DSCAML1: variants seen among roughly 807,000 people sequenced by gnomAD.
DSCAML1 encodes cell adhesion molecule DSCAML1.
DSCAML1 carries 38 observed loss-of-function variants against 200.5 expected under a neutral mutation model. The ratio of observed to expected loss-of-function variants is 0.19; its 90% CI spans 0.15 to 0.25. DSCAML1 has a LOEUF of 0.25. Ranked by LOEUF, DSCAML1 falls within the 10% of genes least tolerant of loss-of-function variation. The probability of loss-of-function intolerance (pLI) is 1.00; values close to 1 mark genes in which losing one functional copy is unlikely to be tolerated. For missense variants in DSCAML1, 2,223 were observed against 2,858.8 expected, an observed-to-expected ratio of 0.78 and a Z score of 5.07; for synonymous variants, 1,215 against 1,165.0, an observed-to-expected ratio of 1.04 and a Z score of -0.87.
intron 3 of DSCAML1, among the ~76,000 whole-genome samples, chr11:117,744,657 G>A (rs113560973): frequency 7.9e-5 from 12 of 152,312 alleles, no homozygotes; most frequent in African/African-American, 1.2e-4. Flanking sequence ...CCAGAGCCCC[G>A]GGGGGCAAAG....
intron 11 of DSCAML1, among the ~76,000 whole-genome samples, chr11:117,484,995 C>G (rs1418633678): frequency 6.6e-6 from 1 of 151,376 alleles, no homozygotes; most frequent in African/African-American, 2.4e-5. Flanking sequence ...AGTTCTGCAG[C>G]ACACCTCTGT....
intron 11 of DSCAML1, among the ~76,000 whole-genome samples, chr11:117,487,375 A>G (rs2049096857): frequency 1.3e-5 from 2 of 152,158 alleles, no homozygotes; most frequent in Non-Finnish European, 2.9e-5. Flanking sequence ...GGCTCACGTT[A>G]TGGTTCTACT....
At chr11:117,725,138 G>A (rs1228523298) in intron 3 of DSCAML1, among the ~76,000 whole-genome samples, 3 of 152,174 alleles carry the variant, frequency 2.0e-5, no homozygotes, top group African/African-American at 7.2e-5. Flanking sequence ...AATCCTGACT[G>A]CCTCTGAGAA....
rs201976004 is a variant in DSCAML1, at chr11:117,635,447, G to GGTGTGTGT, written c.512-102933_512-102926dup. On this transcript the variant is annotated intron_variant, in intron 3 of 32. Coordinates refer to ENST00000651296, the MANE Select transcript of DSCAML1 (RefSeq NM_020693.4). ...AAGTGCAGAACGTCCTAGTGTGTGTGGTGTGTGTGTGTGTGTGTGTGTGTG... is the reference window on the plus strand; with the variant it reads ...AAGTGCAGAACGTCCTAGTGTGTGTGGTGTGTGTGTGTGTGTGTGTGTGTGTGTGTGTG... Among the ~76,000 whole-genome samples the GGTGTGTGT allele has an allele frequency of 3.5e-3, 510 of 146,736 alleles. 2 individuals are homozygous for GGTGTGTGT. The highest frequency in any genetic ancestry group is 0.011 in the African/African-American group (460 of 40,192).
Position 117,773,281 on chromosome 11 carries a change from G to A in DSCAML1, c.511+3510C>T, listed in dbSNP as rs189811634. Reference sequence around the variant, plus strand: ...GGGGATGCCTCCTGGGGCTCTGATGGGCCCACACCAGTCTCCCTGCTCCTT... The same window carrying A: ...GGGGATGCCTCCTGGGGCTCTGATGAGCCCACACCAGTCTCCCTGCTCCTT... On this transcript the variant is annotated intron_variant, in intron 3 of 32. Transcript: ENST00000651296. Among the ~76,000 whole-genome samples the A allele has an allele frequency of 6.6e-3, 1,007 of 152,198 alleles. 6 individuals are homozygous for A. The highest frequency in any genetic ancestry group is 0.014 in the Middle Eastern group (4 of 294).
chr11:117,808,346 G>A (rs2055726465), intron 1 of DSCAML1, among the ~76,000 whole-genome samples: 1 of 152,156 alleles, frequency 6.6e-6, no homozygotes, highest in South Asian at 2.1e-4. Flanking sequence ...AAACCTTTAG[G>A]AGGAGTCCTG....
intron 3 of DSCAML1, among the ~76,000 whole-genome samples, chr11:117,581,662 C>G (rs2051043275): frequency 6.6e-6 from 1 of 152,160 alleles, no homozygotes; most frequent in Non-Finnish European, 1.5e-5. Flanking sequence ...CATATGTTAT[C>G]TCTTCTCATT....
intron 3 of DSCAML1, among the ~76,000 whole-genome samples, chr11:117,765,639 C>T (rs777606489): frequency 1.4e-4 from 22 of 152,148 alleles, no homozygotes; most frequent in African/African-American, 3.9e-4. Flanking sequence ...TGAAAACCTA[C>T]GCATAGAGAA....
At chr11:117,428,884 GC>G in intron 32 of DSCAML1, 81 bp from the exon 33 acceptor site, 10 of 1,345,380 alleles carry the variant, frequency 7.4e-6, no homozygotes, top group Non-Finnish European at 9.1e-6. Context: ...CCCATCCCCT[GC>G]CCCCAGTCTT....
At chr11:117,455,547 C>G (rs1004901645) in intron 19 of DSCAML1, among the ~76,000 whole-genome samples, 1 of 152,184 alleles carries the variant, frequency 6.6e-6, no homozygotes, top group Non-Finnish European at 1.5e-5. Context: ...TCCAGCCAAG[C>G]CAGCCTGAAA....
intron 3 of DSCAML1, among the ~76,000 whole-genome samples, chr11:117,702,740 T>C (rs2053692294): frequency 6.6e-6 from 1 of 152,190 alleles, no homozygotes; most frequent in East Asian, 1.9e-4. Context: ...GCCACTGAGT[T>C]TCATCATAAT....
intron 3 of DSCAML1, among the ~76,000 whole-genome samples, chr11:117,767,812 A>G (rs764745499): frequency 2.0e-4 from 31 of 152,222 alleles, no homozygotes; most frequent in Non-Finnish European, 4.1e-4. Context: ...CAAATTGCTC[A>G]GCCTCTCTGA....
intron 3 of DSCAML1, among the ~76,000 whole-genome samples, chr11:117,727,392 G>A (rs1463672638): frequency 5.3e-5 from 8 of 152,286 alleles, no homozygotes; most frequent in East Asian, 1.9e-4. Flanking sequence ...CTCTCCATCC[G>A]TCTTCAGCAT....
intron 8 of DSCAML1, among the ~76,000 whole-genome samples, chr11:117,510,767 T>C (rs2049602407): frequency 6.6e-6 from 1 of 152,176 alleles, no homozygotes. Flanking sequence ...ATGAATGACA[T>C]TCGTGGTCAT....
chr11:117,732,115 A>C (rs189749317), intron 3 of DSCAML1, among the ~76,000 whole-genome samples: 2 of 152,230 alleles, frequency 1.3e-5, no homozygotes, highest in Non-Finnish European at 1.5e-5. Context: ...ATTTGCATGT[A>C]AACAGCAGAC....
At chr11:117,681,659 C>A (rs2053315190) in intron 3 of DSCAML1, among the ~76,000 whole-genome samples, 2 of 152,216 alleles carry the variant, frequency 1.3e-5, no homozygotes, top group Admixed American at 1.3e-4. Flanking sequence ...CCTCTCTTCC[C>A]AGTTCCAGCA....
chr11:117,507,160 G>C (rs2049517145), intron 8 of DSCAML1, among the ~76,000 whole-genome samples: 1 of 149,784 alleles, frequency 6.7e-6, no homozygotes, highest in African/African-American at 2.4e-5. Flanking sequence ...AAGTGGGGCA[G>C]AAGAGAGAAG....
Position 117,463,915 on chromosome 11 carries a change from A to T in DSCAML1, c.3265+1027T>A, listed in dbSNP as rs1486139730. On this transcript the variant is annotated intron_variant, in intron 17 of 32. Transcript: ENST00000651296. This position sits in a 1 kb window ranked among gnomAD's most constrained non-coding sequence, Gnocchi z 4.0. ...CCCCAGATAATGCCAACTGGTGGCC[A>T]GCGTTAGGAACCATTGGTATGAGCG... Among the ~76,000 whole-genome samples the T allele has an allele frequency of 6.6e-6, 1 of 152,206 alleles. No homozygotes were observed. The highest frequency in any genetic ancestry group is 1.5e-5 in the Non-Finnish European group (1 of 68,040).
intron 1 of DSCAML1, among the ~76,000 whole-genome samples, chr11:117,783,146 G>A (rs146901443): frequency 1.1e-4 from 17 of 152,222 alleles, no homozygotes; most frequent in African/African-American, 3.9e-4. Context: ...TCCTGGGAGC[G>A]GTTTCTGTTG....
Sources: allele counts gnomAD v4.1 joint callset (sites outside exome capture counted in the v4.1 genomes callset), GRCh38; gene constraint gnomAD v4.1.1; non-coding constraint Gnocchi (gnomAD v3.1); transcripts MANE v1.5; gene names NCBI Gene and HGNC (gene_info 2026-07-23, HGNC 2026-07-21).